MEIS2: variants seen among roughly 807,000 people sequenced by gnomAD.
MEIS2 encodes the protein homeobox protein Meis2.
A neutral mutation model predicts 58.6 loss-of-function variants in MEIS2; 9 were observed. The observed-to-expected ratio is 0.15, with a 90% confidence interval of 0.09 to 0.27. MEIS2 has a LOEUF of 0.27. MEIS2 is among the 10% of genes least tolerant of loss of function. MEIS2 has a pLI of 1.00. For synonymous variants in MEIS2, 221 were observed against 228.4 expected, an observed-to-expected ratio of 0.97 and a Z score of 0.29; for missense variants, 427 against 635.0, an observed-to-expected ratio of 0.67 and a Z score of 3.52.
chr15:37,005,752 C>T (rs8040453), intron 8 of MEIS2, among the ~76,000 whole-genome samples: 49,471 of 151,856 alleles, frequency 0.33, 8,907 homozygotes, highest in Non-Finnish European at 0.41. Context: ...AGAGAGGAGG[C>T]GTTGTCATGT....
At chr15:37,030,628 C>T (rs2061878226) in intron 8 of MEIS2, among the ~76,000 whole-genome samples, 2 of 149,582 alleles carry the variant, frequency 1.3e-5, no homozygotes, top group Admixed American at 6.9e-5. Flanking sequence ...TGAGTCATCG[C>T]CCCCAGCCTG....
intron 7 of MEIS2, among the ~76,000 whole-genome samples, chr15:37,068,376 G>T (rs1206875439): frequency 6.6e-6 from 1 of 152,296 alleles, no homozygotes; most frequent in East Asian, 1.9e-4. Flanking sequence ...TTTGGTGACT[G>T]ACGCTTTGAC....
At chr15:36,936,815 T>C (rs2058192464) in intron 9 of MEIS2, among the ~76,000 whole-genome samples, 1 of 152,220 alleles carries the variant, frequency 6.6e-6, no homozygotes, top group Non-Finnish European at 1.5e-5. Context: ...ACTGGATGGA[T>C]AACAAGGATG....
At chr15:37,064,918 T>C (rs1262533302) in intron 7 of MEIS2, among the ~76,000 whole-genome samples, 1 of 152,190 alleles carries the variant, frequency 6.6e-6, no homozygotes, top group Non-Finnish European at 1.5e-5. Flanking sequence ...CCCATTGAAA[T>C]GTTGAGCCAA....
At chr15:37,075,871 G>T (rs887387975) in intron 7 of MEIS2, among the ~76,000 whole-genome samples, 11 of 151,880 alleles carry the variant, frequency 7.2e-5, no homozygotes, top group African/African-American at 2.4e-4. Flanking sequence ...AGAAGAGAAG[G>T]ACACACTCCC....
chr15:36,903,145 A>T (rs1358460997), intron 9 of MEIS2, among the ~76,000 whole-genome samples: 5 of 152,216 alleles, frequency 3.3e-5, no homozygotes, highest in Admixed American at 2.6e-4. Flanking sequence ...AATATTGAGC[A>T]ACAGTAAACA....
chr15:36,981,549 C>A (rs867410962), intron 8 of MEIS2, among the ~76,000 whole-genome samples: 1 of 151,850 alleles, frequency 6.6e-6, no homozygotes, highest in African/African-American at 2.4e-5. Context: ...TTAAGGTATA[C>A]AGTGTGAGGC....
intron 7 of MEIS2, among the ~76,000 whole-genome samples, chr15:37,054,708 G>A (rs11856113): frequency 0.22 from 33,430 of 152,110 alleles, 3,806 homozygotes; most frequent in East Asian, 0.27. Flanking sequence ...CTGAGCCACC[G>A]TGCCCAGCAT....
intron 9 of MEIS2, chr15:36,896,912 C>T (rs1436795417): frequency 2.8e-5 from 13 of 467,864 alleles, no homozygotes; most frequent in Admixed American, 1.1e-4. Flanking sequence ...AGCTCAGGGA[C>T]GGAATAAAGT....
chr15:37,075,248 A>T (rs887192186), intron 7 of MEIS2, among the ~76,000 whole-genome samples: 1 of 152,048 alleles, frequency 6.6e-6, no homozygotes, highest in African/African-American at 2.4e-5. Context: ...CCAAATTCTG[A>T]CCATATGCAC....
At chr15:37,059,729 G>A (rs1319256590) in intron 7 of MEIS2, among the ~76,000 whole-genome samples, 1 of 151,912 alleles carries the variant, frequency 6.6e-6, no homozygotes, top group Non-Finnish European at 1.5e-5. Context: ...TTGAGGCCAG[G>A]AGTTAGAGAC....
intron 8 of MEIS2, among the ~76,000 whole-genome samples, chr15:36,951,325 T>A (rs1240528461): frequency 6.6e-6 from 1 of 152,168 alleles, no homozygotes; most frequent in South Asian, 2.1e-4. Flanking sequence ...CTGCTCTAAA[T>A]TCACTGATTT....
At chr15:37,017,338 C>T (rs2061383556) in intron 8 of MEIS2, among the ~76,000 whole-genome samples, 1 of 152,110 alleles carries the variant, frequency 6.6e-6, no homozygotes, top group African/African-American at 2.4e-5. Context: ...GTTGGTGGCT[C>T]ATCCCTGTAA....
At chr15:37,097,103 A>T (rs1013070583) in intron 2 of MEIS2, among the ~76,000 whole-genome samples, 2 of 152,218 alleles carry the variant, frequency 1.3e-5, no homozygotes, top group Non-Finnish European at 2.9e-5. Context: ...GCAGACAAAA[A>T]TAAATAAATC....
intron 8 of MEIS2, among the ~76,000 whole-genome samples, chr15:36,996,785 G>A (rs1010635919): frequency 6.6e-6 from 1 of 152,162 alleles, no homozygotes; most frequent in African/African-American, 2.4e-5. Flanking sequence ...ATGATTAAAG[G>A]CCAAGACCTA....
chr15:36,975,586 T>A (rs1023193704), intron 8 of MEIS2, among the ~76,000 whole-genome samples: 1 of 150,788 alleles, frequency 6.6e-6, no homozygotes, highest in Non-Finnish European at 1.5e-5. Flanking sequence ...AGAAGGTAAG[T>A]GATGTGCTTA....
chr15:36,923,901 G>T (rs1175915678), intron 9 of MEIS2, among the ~76,000 whole-genome samples: 1 of 152,174 alleles, frequency 6.6e-6, no homozygotes, highest in Non-Finnish European at 1.5e-5. Flanking sequence ...GGGAAAAGGG[G>T]CTGCAGAGAA....
chr15:36,928,638 C>G (rs942461583), intron 9 of MEIS2, among the ~76,000 whole-genome samples: 1 of 152,112 alleles, frequency 6.6e-6, no homozygotes, highest in Non-Finnish European at 1.5e-5. Flanking sequence ...CCCTCTGTTA[C>G]CTAATCTTGT....
intron 8 of MEIS2, among the ~76,000 whole-genome samples, chr15:37,017,887 A>C (rs2061402376): frequency 6.6e-6 from 1 of 152,138 alleles, no homozygotes; most frequent in African/African-American, 2.4e-5. Context: ...AAAATTTTGA[A>C]TTTATTTTAC....
Sources: gnomAD v4.1 joint callset for allele counts (sites outside exome capture counted in the v4.1 genomes callset) on GRCh38, gnomAD v4.1.1 for gene constraint, MANE v1.5 for transcripts, NCBI Gene and HGNC (gene_info 2026-07-23, HGNC 2026-07-21) for gene names.